The following LRRC49 variants were observed in gnomAD, a reference collection of about 807,000 sequenced individuals.
LRRC49 encodes the protein leucine rich repeat containing 49, also known as leucine-rich repeat-containing protein 49.
In LRRC49, 50 loss-of-function variants were observed where a neutral mutation model predicts 83.3. The observed-to-expected ratio is 0.60, with a 90% CI of 0.48 to 0.76. The LOEUF (loss-of-function observed/expected upper bound fraction) is 0.76, where lower values mean the gene tolerates loss of function less well. Ranked by LOEUF, LRRC49 falls within the 30% of genes least tolerant of loss-of-function variation. LRRC49 has a pLI of 0.00. For missense variants in LRRC49, 704 were observed against 809.1 expected, an observed-to-expected ratio of 0.87 and a Z score of 1.58; for synonymous variants, 286 against 283.3, an observed-to-expected ratio of 1.01 and a Z score of -0.10.
chr15:70,999,562 C>T (rs2038190540), intron 11 of LRRC49, among the ~76,000 whole-genome samples: 1 of 152,188 alleles, frequency 6.6e-6, no homozygotes, highest in Non-Finnish European at 1.5e-5. Flanking sequence ...CAGTTTACCA[C>T]TCTGCCTTAA....
intron 8 of LRRC49, among the ~76,000 whole-genome samples, chr15:70,949,470 A>G (rs2141177076): frequency 6.6e-6 from 1 of 152,300 alleles, no homozygotes; most frequent in Admixed American, 6.5e-5. Context: ...ATGGCACACA[A>G]TACTTGTTAA....
At chr15:70,872,748 C>T (rs976718046) in intron 1 of LRRC49, among the ~76,000 whole-genome samples, 1 of 152,062 alleles carries the variant, frequency 6.6e-6, no homozygotes, top group Non-Finnish European at 1.5e-5. Flanking sequence ...AGAAAGCTCT[C>T]ATATCCACTG....
intron 7 of LRRC49, among the ~76,000 whole-genome samples, chr15:70,929,099 A>G (rs1002618546): frequency 2.0e-5 from 3 of 151,994 alleles, no homozygotes; most frequent in African/African-American, 7.2e-5. Flanking sequence ...AATTTATCTA[A>G]TTTGATTTTC....
chr15:71,034,357 G>C (rs1286982146), intron 14 of LRRC49, among the ~76,000 whole-genome samples: 1 of 152,150 alleles, frequency 6.6e-6, no homozygotes, highest in Admixed American at 6.5e-5. Context: ...CATTCAGAAT[G>C]ACGATTATTA....
chr15:70,861,844 G>C (rs896692531), intron 1 of LRRC49, among the ~76,000 whole-genome samples: 1 of 152,098 alleles, frequency 6.6e-6, no homozygotes, highest in Non-Finnish European at 1.5e-5. Flanking sequence ...AGAATTGCTT[G>C]AACCCAGAAG....
chr15:70,930,437 G>T (rs1472601204), intron 7 of LRRC49, among the ~76,000 whole-genome samples: 1 of 152,170 alleles, frequency 6.6e-6, no homozygotes, highest in Non-Finnish European at 1.5e-5. Context: ...TCTGTTTATA[G>T]AGCACAGGCA....
rs202004913 is a variant in LRRC49, at chr15:70,919,684, ATC to A, written c.711+496_711+497del. On this transcript the variant is annotated intron_variant, in intron 7 of 15. Coordinates refer to ENST00000260382, the MANE Select transcript of LRRC49 (RefSeq NM_017691.5). ...GAGGCCTAGTTATGGTCTTAGCTTC[ATC>A]TCTCATTAGCTGTGTGACCTTGGGT... Among the ~76,000 whole-genome samples, 844 of 152,308 alleles carry A rather than the reference ATC, an allele frequency of 5.5e-3. 23 individuals carry two copies. The highest frequency in any genetic ancestry group is 0.047 in the Admixed American group (723 of 15,296).
At chr15:70,964,465 C>T (rs1283543294) in intron 9 of LRRC49, among the ~76,000 whole-genome samples, 1 of 152,044 alleles carries the variant, frequency 6.6e-6, no homozygotes, top group African/African-American at 2.4e-5. Context: ...TGCGAGGCTC[C>T]TAGGAGGCAT....
At chr15:71,041,233 C>T (rs1040860319) in intron 15 of LRRC49, among the ~76,000 whole-genome samples, 3 of 152,140 alleles carry the variant, frequency 2.0e-5, no homozygotes, top group Non-Finnish European at 4.4e-5. Context: ...AACACCAGTG[C>T]ATCACTGAAG....
intron 11 of LRRC49, among the ~76,000 whole-genome samples, chr15:71,002,159 C>T (rs963244094): frequency 5.3e-5 from 8 of 152,010 alleles, no homozygotes; most frequent in African/African-American, 1.2e-4. Context: ...GTCAGAGGGC[C>T]GCAAAGTTTC....
At chr15:70,886,586 G>A (rs1174764402) in intron 2 of LRRC49, among the ~76,000 whole-genome samples, 2 of 152,154 alleles carry the variant, frequency 1.3e-5, no homozygotes, top group African/African-American at 2.4e-5. Flanking sequence ...TTGATAAACC[G>A]GTGGGGTGCG....
intron 9 of LRRC49, among the ~76,000 whole-genome samples, chr15:70,965,432 T>C (rs892375556): frequency 2.0e-5 from 3 of 152,112 alleles, no homozygotes; most frequent in Non-Finnish European, 2.9e-5. Context: ...TTTAAAATTA[T>C]ACATTGCATT....
At chr15:71,016,538 A>G (rs1373294769) in intron 14 of LRRC49, among the ~76,000 whole-genome samples, 1 of 152,072 alleles carries the variant, frequency 6.6e-6, no homozygotes, top group East Asian at 1.9e-4. Flanking sequence ...CTTCTAAAGA[A>G]ATAAGAATTT....
intron 9 of LRRC49, among the ~76,000 whole-genome samples, chr15:70,970,566 C>T (rs990981794): frequency 3.3e-5 from 5 of 152,154 alleles, no homozygotes; most frequent in African/African-American, 1.2e-4. Flanking sequence ...ATGCTACCTG[C>T]TCCTCTTTGT....
At chr15:70,993,876 G>T (rs111860871) in intron 11 of LRRC49, among the ~76,000 whole-genome samples, 1 of 151,938 alleles carries the variant, frequency 6.6e-6, no homozygotes, top group Non-Finnish European at 1.5e-5. Context: ...ATGGAGTCTC[G>T]CTGTGTCTCC....
At chr15:71,001,918 C>T (rs540597119) in intron 11 of LRRC49, among the ~76,000 whole-genome samples, 1 of 152,278 alleles carries the variant, frequency 6.6e-6, no homozygotes, top group Non-Finnish European at 1.5e-5. Context: ...GTCTCAATCT[C>T]CTGACCTTGT....
At chr15:70,896,081 A>T in intron 3 of LRRC49, 145 bp downstream of exon 3, 1 of 582,996 alleles carries the variant, frequency 1.7e-6, no homozygotes, top group Non-Finnish European at 3.0e-6. Flanking sequence ...GTATTTTTTT[A>T]AATCATTGGT....
intron 7 of LRRC49, among the ~76,000 whole-genome samples, chr15:70,933,458 T>C (rs759309892): frequency 1.3e-5 from 2 of 152,200 alleles, no homozygotes; most frequent in African/African-American, 4.8e-5. Flanking sequence ...GGGTATTTAA[T>C]GCTTGACAGT....
intron 7 of LRRC49, among the ~76,000 whole-genome samples, chr15:70,934,122 T>G (rs567828359): frequency 2.6e-4 from 40 of 152,336 alleles, no homozygotes; most frequent in Admixed American, 2.2e-3. Context: ...TGATGAATTG[T>G]ACTCCCTGAA....
Sources: allele counts gnomAD v4.1 joint callset (sites outside exome capture counted in the v4.1 genomes callset), GRCh38; gene constraint gnomAD v4.1.1; transcripts MANE v1.5; gene names NCBI Gene and HGNC (gene_info 2026-07-23, HGNC 2026-07-21).